Variants in PPP2R3A observed in about 807,000 individuals in gnomAD.
The protein encoded by PPP2R3A is serine/threonine-protein phosphatase 2A regulatory subunit B'' subunit alpha.
A neutral mutation model predicts 106.9 loss-of-function variants in PPP2R3A; 80 were observed. That is an observed-to-expected ratio of 0.75 (90% CI 0.62 to 0.90). PPP2R3A has a LOEUF of 0.90. Among genes scored for constraint, PPP2R3A ranks in the 40% least tolerant of loss-of-function variants. The pLI is 0.00. For missense variants in PPP2R3A, 1,386 were observed against 1,350.4 expected (o/e 1.03, Z -0.41); for synonymous variants, 483 against 468.3 (o/e 1.03, Z -0.41).
chr3:136,059,034 C>A (rs1192144500), intron 5 of PPP2R3A, among the ~76,000 whole-genome samples: 2 of 152,032 alleles, frequency 1.3e-5, no homozygotes, highest in Admixed American at 1.3e-4. Context: ...ACTATAAAAT[C>A]CCTGGAAGAC....
At chr3:136,084,204 C>G (rs190545829) in intron 8 of PPP2R3A, among the ~76,000 whole-genome samples, 4 of 152,346 alleles carry the variant, frequency 2.6e-5, no homozygotes, top group East Asian at 3.9e-4. Context: ...GCCTGGGGCC[C>G]CCCCTGCTCT....
intron 1 of PPP2R3A, among the ~76,000 whole-genome samples, chr3:135,986,308 A>T (rs1559852486): frequency 6.6e-6 from 1 of 152,082 alleles, no homozygotes; most frequent in African/African-American, 2.4e-5. Flanking sequence ...CTTAGATTTC[A>T]TCATCAGTCA....
intron 2 of PPP2R3A, among the ~76,000 whole-genome samples, chr3:136,022,125 A>G (rs1401588336): frequency 6.6e-6 from 1 of 152,176 alleles, no homozygotes; most frequent in Non-Finnish European, 1.5e-5. Context: ...TTAACTGATT[A>G]AAGCTTCTCA....
chr3:136,048,029 C>T (rs1935534077), intron 4 of PPP2R3A, among the ~76,000 whole-genome samples: 3 of 152,044 alleles, frequency 2.0e-5, no homozygotes, highest in Non-Finnish European at 4.4e-5. Context: ...TGGATTCGTT[C>T]ATACTCCAGA....
intron 6 of PPP2R3A, among the ~76,000 whole-genome samples, chr3:136,074,591 G>C (rs1936539298): frequency 6.6e-6 from 1 of 152,200 alleles, no homozygotes; most frequent in Non-Finnish European, 1.5e-5. Context: ...GTGCTAACTT[G>C]AGTTTTTAAA....
intron 8 of PPP2R3A, among the ~76,000 whole-genome samples, chr3:136,086,739 G>A (rs1576492290): frequency 1.3e-5 from 2 of 152,186 alleles, no homozygotes; most frequent in East Asian, 1.9e-4. Flanking sequence ...GGCCAGGCAC[G>A]GCTGTTCCAA....
chr3:136,022,735 C>T, intron 2 of PPP2R3A: 50 of 1,086,286 alleles, frequency 4.6e-5, no homozygotes, highest in Non-Finnish European at 5.5e-5. Context: ...TGGGTGCTCC[C>T]TTTCCCAGAA....
intron 10 of PPP2R3A, among the ~76,000 whole-genome samples, chr3:136,092,190 C>T (rs576904148): frequency 6.6e-6 from 1 of 152,012 alleles, no homozygotes; most frequent in Non-Finnish European, 1.5e-5. Context: ...ATTAGCCAGG[C>T]GTGGTGATAC....
chr3:136,132,673 A>T (rs1212617890), intron 13 of PPP2R3A, among the ~76,000 whole-genome samples: 2 of 151,900 alleles, frequency 1.3e-5, no homozygotes, highest in Non-Finnish European at 2.9e-5. Context: ...TTAAAATGTC[A>T]ATTATCCCCA....
intron 2 of PPP2R3A, among the ~76,000 whole-genome samples, chr3:136,020,625 T>C (rs1370712108): frequency 1.3e-5 from 2 of 152,116 alleles, no homozygotes; most frequent in East Asian, 3.8e-4. Flanking sequence ...CACGCTTATA[T>C]TTTGTTAGTT....
In PPP2R3A at chr3:136,146,402, A is replaced by C. The variant is rs530387966; in HGVS notation, c.*1236A>C. On this transcript the variant is annotated 3_prime_UTR_variant, in exon 14 of 14. Coordinates refer to ENST00000264977, the MANE Select transcript of PPP2R3A (RefSeq NM_002718.5). Reference sequence around the variant, plus strand: ...TAGATTTTTTTTTTAACTAGTTCTGAAAGTGTCAAGAATAGCTTCCCTTTC... The same window carrying C: ...TAGATTTTTTTTTTAACTAGTTCTGCAAGTGTCAAGAATAGCTTCCCTTTC... 6.6e-6 allele frequency: 1 copy of C among 152,288 alleles called. No homozygotes were observed. Among genetic ancestry groups the C allele is most frequent in the East Asian group, 1.9e-4 (1 of 5,186 alleles). The allele number at this position is 152,288 out of a possible 1,614,324, so 9.4% of individuals were successfully genotyped here. A position where few individuals can be genotyped will look rare whatever the true frequency, so the allele number is the denominator to read the frequency against.
chr3:136,134,918 C>CA lies in PPP2R3A; in HGVS notation c.3330-10119dup, dbSNP rs201833076. ...CTGTGCAACTAGATCATGTATTTTA[C>CA]AAAAAATATTACTATTGTTTTATAA... On this transcript the variant is annotated intron_variant, in intron 13 of 13. Transcript: ENST00000264977. Among the ~76,000 whole-genome samples the CA allele has an allele frequency of 3.5e-3, 536 of 151,738 alleles. 7 individuals are homozygous for CA. The East Asian group carries it at 0.048, about 14-fold the overall frequency.
intron 3 of PPP2R3A, among the ~76,000 whole-genome samples, chr3:136,032,521 T>A (rs9877217): frequency 0.25 from 38,126 of 149,784 alleles, 5,544 homozygotes; most frequent in Non-Finnish European, 0.33. Context: ...TTAATTAATT[T>A]ATTTATTTAT....
At chr3:135,992,776 C>T (rs185127422) in intron 1 of PPP2R3A, among the ~76,000 whole-genome samples, 2 of 152,074 alleles carry the variant, frequency 1.3e-5, no homozygotes, top group African/African-American at 2.4e-5. Flanking sequence ...TGAGAGGAAG[C>T]GCCAGATAAA....
Position 136,103,603 on chromosome 3 carries a change from C to G in PPP2R3A, c.3222+227C>G, listed in dbSNP as rs114682161. On this transcript the variant is annotated intron_variant, in intron 12 of 13. Transcript: ENST00000264977. ...ATCTGTGTAAGCACTTTCCACTGAGCGGACTCTATAGCTCATCTACTGATA... is the reference window on the plus strand; with the variant it reads ...ATCTGTGTAAGCACTTTCCACTGAGGGGACTCTATAGCTCATCTACTGATA... 7.2e-3 allele frequency among the ~76,000 whole-genome samples: 1,099 copies of G among 152,102 alleles called. 21 individuals carry two copies. Among genetic ancestry groups the G allele is most frequent in the African/African-American group, 0.024 (994 of 41,486 alleles).
At chr3:135,980,254 A>C (rs999389282) in intron 1 of PPP2R3A, among the ~76,000 whole-genome samples, 1 of 151,860 alleles carries the variant, frequency 6.6e-6, no homozygotes, top group African/African-American at 2.4e-5. Context: ...AATTTTCCAG[A>C]GATTGGAAAG....
At chr3:136,093,452 A>G in intron 10 of PPP2R3A, among the ~76,000 whole-genome samples, 1 of 152,202 alleles carries the variant, frequency 6.6e-6, no homozygotes, top group Non-Finnish European at 1.5e-5. Flanking sequence ...AAAAGATATG[A>G]TCAAGAAAGT....
chr3:136,071,893 T>G (rs1482219282), intron 6 of PPP2R3A, among the ~76,000 whole-genome samples: 2 of 152,166 alleles, frequency 1.3e-5, no homozygotes, highest in Non-Finnish European at 2.9e-5. Flanking sequence ...GGAATGTTCT[T>G]CCTACAGATT....
At chr3:136,009,748 T>C (rs903936812) in intron 2 of PPP2R3A, among the ~76,000 whole-genome samples, 3 of 152,190 alleles carry the variant, frequency 2.0e-5, no homozygotes, top group Admixed American at 2.0e-4. Flanking sequence ...ATGATTATGC[T>C]TGAGAACCAC....
Sources: gnomAD v4.1 joint callset for allele counts (sites outside exome capture counted in the v4.1 genomes callset) on GRCh38, gnomAD v4.1.1 for gene constraint, MANE v1.5 for transcripts, NCBI Gene and HGNC (gene_info 2026-07-23, HGNC 2026-07-21) for gene names.